CNBD1: variants seen among roughly 807,000 people sequenced by gnomAD.
The protein encoded by CNBD1 is cyclic nucleotide-binding domain-containing protein 1.
Under a neutral mutation model 54.4 loss-of-function variants are expected in CNBD1, and 71 were observed. The ratio of observed to expected loss-of-function variants is 1.30; its 90% CI spans 1.08 to 1.59. CNBD1 has a LOEUF of 1.59. Ranked by LOEUF, CNBD1 falls within the 40% of genes most tolerant of loss-of-function variation. The pLI is 0.00. For missense variants in CNBD1, 659 were observed against 518.0 expected (o/e 1.27, Z -2.64); for synonymous variants, 182 against 170.7 (o/e 1.07, Z -0.51).
chr8:86,896,036 T>C (rs972372459), intron 2 of CNBD1, among the ~76,000 whole-genome samples: 1 of 152,110 alleles, frequency 6.6e-6, no homozygotes, highest in Non-Finnish European at 1.5e-5. Flanking sequence ...GGTTTTCAAA[T>C]ATTTTTCCCA....
At chr8:87,045,255 C>T (rs1278075802) in intron 4 of CNBD1, among the ~76,000 whole-genome samples, 2 of 152,056 alleles carry the variant, frequency 1.3e-5, no homozygotes, top group African/African-American at 4.8e-5. Flanking sequence ...AAACTTAACA[C>T]AAGACATACA....
At chr8:86,894,579 T>A (rs1808822910) in intron 2 of CNBD1, among the ~76,000 whole-genome samples, 1 of 152,180 alleles carries the variant, frequency 6.6e-6, no homozygotes, top group African/African-American at 2.4e-5. Flanking sequence ...ATTGCAGGGC[T>A]TTTGACAAGT....
chr8:87,349,792 C>A (rs926486111), intron 8 of CNBD1, among the ~76,000 whole-genome samples: 13 of 152,202 alleles, frequency 8.5e-5, no homozygotes, highest in Non-Finnish European at 1.8e-4. Context: ...AGACCATAGA[C>A]AATGATTCGA....
At chr8:87,337,780 G>C (rs747902982) in intron 8 of CNBD1, among the ~76,000 whole-genome samples, 2 of 152,118 alleles carry the variant, frequency 1.3e-5, no homozygotes, top group African/African-American at 4.8e-5. Flanking sequence ...CTTCCTCTTC[G>C]TGGATCATGC....
intron 4 of CNBD1, among the ~76,000 whole-genome samples, chr8:87,101,003 C>G (rs1420202146): frequency 6.6e-6 from 1 of 152,188 alleles, no homozygotes; most frequent in Non-Finnish European, 1.5e-5. Context: ...AAACGAAAAA[C>G]TTCAGTTCCT....
At chr8:86,957,096 T>C (rs1807795810) in intron 4 of CNBD1, among the ~76,000 whole-genome samples, 1 of 152,186 alleles carries the variant, frequency 6.6e-6, no homozygotes, top group African/African-American at 2.4e-5. Flanking sequence ...ATCGTGTGTT[T>C]TGTCTTTGGT....
At chr8:87,155,422 A>G (rs549742879) in intron 4 of CNBD1, among the ~76,000 whole-genome samples, 8 of 152,334 alleles carry the variant, frequency 5.3e-5, no homozygotes, top group Non-Finnish European at 8.8e-5. Context: ...AAACCAATCT[A>G]AAAGGACAGC....
intron 8 of CNBD1, among the ~76,000 whole-genome samples, chr8:87,346,285 G>A (rs1347450085): frequency 2.0e-5 from 3 of 151,956 alleles, no homozygotes; most frequent in South Asian, 2.1e-4. Context: ...CAGGTGATCC[G>A]CCCACCTCAG....
intron 4 of CNBD1, among the ~76,000 whole-genome samples, chr8:87,195,656 C>T (rs1416282234): frequency 1.3e-5 from 2 of 151,714 alleles, no homozygotes; most frequent in Admixed American, 6.6e-5. Context: ...TCACTGCGAC[C>T]TCTGCCTCTT....
chr8:87,269,178 C>T (rs1459187017), intron 6 of CNBD1, among the ~76,000 whole-genome samples: 1 of 151,938 alleles, frequency 6.6e-6, no homozygotes. Flanking sequence ...ACTGAATAGG[C>T]AGTCCTTTCC....
At position 87,357,135 on chromosome 8, in the gene CNBD1, G is replaced by A. The variant is rs535452709; in HGVS notation, c.1303+3349G>A. The stretch of plus-strand genomic sequence containing the variant: ...TAGATTTCAGAGAATGTATCAGAAA[G>A]CCTTCCAGAGAGAAGGCTCCTGCAG... On this transcript the variant is annotated intron_variant, in intron 10 of 10. Coordinates refer to ENST00000518476, the MANE Select transcript of CNBD1 (RefSeq NM_173538.3). Among the ~76,000 whole-genome samples, 5 of 152,296 alleles carry A rather than the reference G, an allele frequency of 3.3e-5. No individual in the cohort carries two copies. In the South Asian group the frequency reaches 8.3e-4, roughly 25 times the overall value.
chr8:87,237,992 T>C (rs1310972080), intron 6 of CNBD1, among the ~76,000 whole-genome samples: 1 of 152,182 alleles, frequency 6.6e-6, no homozygotes, highest in African/African-American at 2.4e-5. Flanking sequence ...ATAATGGACC[T>C]AATGCTATTT....
At chr8:87,091,372 C>T (rs552549386) in intron 4 of CNBD1, among the ~76,000 whole-genome samples, 1 of 152,234 alleles carries the variant, frequency 6.6e-6, no homozygotes, top group East Asian at 1.9e-4. Context: ...CATAACTGCA[C>T]ACATGTAGCA....
intron 3 of CNBD1, among the ~76,000 whole-genome samples, chr8:86,936,493 C>A (rs1013615396): frequency 2.0e-5 from 3 of 152,194 alleles, no homozygotes; most frequent in Non-Finnish European, 4.4e-5. Flanking sequence ...GTAATCCCAG[C>A]ACTTTGAGAG....
At chr8:87,296,653 A>G (rs982770661) in intron 8 of CNBD1, among the ~76,000 whole-genome samples, 3 of 151,666 alleles carry the variant, frequency 2.0e-5, no homozygotes, top group African/African-American at 7.3e-5. Context: ...GTGTGTGTCT[A>G]TATAATTTGG....
intron 5 of CNBD1, among the ~76,000 whole-genome samples, chr8:87,225,228 C>A (rs1480661231): frequency 2.7e-5 from 4 of 145,944 alleles, no homozygotes; most frequent in African/African-American, 5.1e-5. Flanking sequence ...AATTGAATAC[C>A]CTTTATTTCC....
At chr8:87,396,677 G>A (rs1281315518) in intron 2 of CNBD1, among the ~76,000 whole-genome samples, 2 of 150,802 alleles carry the variant, frequency 1.3e-5, no homozygotes, top group South Asian at 2.1e-4. Flanking sequence ...TCATTGATTT[G>A]TCCCTTTTTA....
chr8:86,992,620 A>C (rs975790942), intron 4 of CNBD1, among the ~76,000 whole-genome samples: 1 of 151,970 alleles, frequency 6.6e-6, no homozygotes, highest in Non-Finnish European at 1.5e-5. Context: ...TTCTGAATCC[A>C]TGCTTAACAT....
intron 8 of CNBD1, among the ~76,000 whole-genome samples, chr8:87,347,573 G>GA (rs113297955): frequency 0.024 from 3,680 of 152,252 alleles, 151 homozygotes; most frequent in African/African-American, 0.081. Flanking sequence ...AGAGAAGGAT[G>GA]AAAAGCTAGA....
Sources: allele counts gnomAD v4.1 joint callset (sites outside exome capture counted in the v4.1 genomes callset), GRCh38; gene constraint gnomAD v4.1.1; transcripts MANE v1.5; gene names NCBI Gene and HGNC (gene_info 2026-07-23, HGNC 2026-07-21).